ADCY8: variants seen among roughly 807,000 people sequenced by gnomAD.
ADCY8 encodes adenylate cyclase 8, also known as adenylate cyclase type 8.
A neutral mutation model predicts 119.7 loss-of-function variants in ADCY8; 51 were observed. That is an observed-to-expected ratio of 0.43 (90% CI 0.34 to 0.54). ADCY8 has a LOEUF of 0.54. Among genes scored for constraint, ADCY8 ranks in the 20% least tolerant of loss-of-function variants. The pLI is 0.03. For synonymous variants in ADCY8, 665 were observed against 651.0 expected (o/e 1.02, Z -0.33); for missense variants, 1,383 against 1,598.8 (o/e 0.87, Z 2.30).
intron 15 of ADCY8, among the ~76,000 whole-genome samples, chr8:130,793,719 T>A (rs560682973): frequency 3.3e-5 from 5 of 152,202 alleles, no homozygotes; most frequent in Non-Finnish European, 7.3e-5. Context: ...GCAGTGCATT[T>A]CCAGGGTGGA....
intron 2 of ADCY8, among the ~76,000 whole-genome samples, chr8:130,988,970 C>T (rs1445117525): frequency 1.1e-4 from 17 of 152,228 alleles, no homozygotes; most frequent in Non-Finnish European, 1.5e-5. Context: ...GCAGCATTCT[C>T]TGAATTGGCA....
At chr8:130,912,552 T>C (rs1820013821) in intron 5 of ADCY8, among the ~76,000 whole-genome samples, 2 of 152,202 alleles carry the variant, frequency 1.3e-5, no homozygotes, top group South Asian at 4.1e-4. Context: ...AAATAAAGAA[T>C]GAATGAATGA....
intron 11 of ADCY8, among the ~76,000 whole-genome samples, chr8:130,841,689 A>G (rs1196735257): frequency 6.6e-6 from 1 of 152,244 alleles, no homozygotes; most frequent in East Asian, 1.9e-4. Context: ...TAAGTCAGAC[A>G]AACTGGACTC....
At chr8:130,793,533 G>T (rs1815488221) in intron 15 of ADCY8, among the ~76,000 whole-genome samples, 1 of 152,162 alleles carries the variant, frequency 6.6e-6, no homozygotes, top group Non-Finnish European at 1.5e-5. Flanking sequence ...AGCTTCATGA[G>T]AACAGGATTT....
intron 2 of ADCY8, among the ~76,000 whole-genome samples, chr8:130,969,553 C>T (rs1440651797): frequency 6.6e-6 from 1 of 152,146 alleles, no homozygotes; most frequent in African/African-American, 2.4e-5. Flanking sequence ...ATCATTTTGT[C>T]ATGTGAAGAC....
intron 2 of ADCY8, among the ~76,000 whole-genome samples, chr8:130,980,039 C>T (rs1425773700): frequency 2.6e-5 from 4 of 152,020 alleles, no homozygotes; most frequent in Non-Finnish European, 5.9e-5. Flanking sequence ...TTTCTGGGGC[C>T]CTGATGGAGA....
intron 14 of ADCY8, among the ~76,000 whole-genome samples, chr8:130,810,672 T>A (rs1470944519): frequency 6.6e-6 from 1 of 152,232 alleles, no homozygotes; most frequent in Non-Finnish European, 1.5e-5. Context: ...ATGTGAAAAT[T>A]CTCTAGGCAA....
chr8:130,835,780 A>G (rs545255871), intron 12 of ADCY8, among the ~76,000 whole-genome samples: 1 of 152,298 alleles, frequency 6.6e-6, no homozygotes, highest in South Asian at 2.1e-4. Context: ...TGTAAATGCT[A>G]TGTAAATAGT....
chr8:131,017,363 C>T (rs945882259), intron 1 of ADCY8, among the ~76,000 whole-genome samples: 2 of 152,182 alleles, frequency 1.3e-5, no homozygotes, highest in Non-Finnish European at 2.9e-5. Context: ...AGCCACCACA[C>T]CGGGCTGGAA....
intron 14 of ADCY8, among the ~76,000 whole-genome samples, chr8:130,809,211 G>C (rs1224024424): frequency 6.6e-6 from 1 of 152,142 alleles, no homozygotes; most frequent in East Asian, 1.9e-4. Context: ...TGAGGTGGAG[G>C]GGAAAGAACA....
At chr8:130,900,636 T>G (rs1402946454) in intron 7 of ADCY8, among the ~76,000 whole-genome samples, 1 of 152,210 alleles carries the variant, frequency 6.6e-6, no homozygotes, top group African/African-American at 2.4e-5. Flanking sequence ...CATTCCCTAG[T>G]TCTCTTCTGA....
intron 5 of ADCY8, among the ~76,000 whole-genome samples, chr8:130,910,087 G>C (rs1463881493): frequency 2.6e-5 from 4 of 151,718 alleles, no homozygotes; most frequent in Non-Finnish European, 2.9e-5. Context: ...CTCCCGCCTC[G>C]GCCTTGCAAA....
At chr8:130,812,505 A>G (rs981963853) in intron 14 of ADCY8, among the ~76,000 whole-genome samples, 1 of 152,234 alleles carries the variant, frequency 6.6e-6, no homozygotes, top group Non-Finnish European at 1.5e-5. Context: ...TGTTAAAAGG[A>G]GAGTACACTT....
At chr8:131,008,267 G>A (rs1264263111) in intron 1 of ADCY8, among the ~76,000 whole-genome samples, 2 of 152,134 alleles carry the variant, frequency 1.3e-5, no homozygotes, top group Non-Finnish European at 2.9e-5. Flanking sequence ...TATATGGTTT[G>A]GCTTTGTGTC....
intron 11 of ADCY8, among the ~76,000 whole-genome samples, chr8:130,845,501 T>G (rs994885369): frequency 1.2e-4 from 19 of 152,268 alleles, no homozygotes; most frequent in Admixed American, 3.9e-4. Flanking sequence ...GGGGCTTGAT[T>G]GGAAACGAAA....
At chr8:130,966,588 G>C (rs369524401) in intron 2 of ADCY8, among the ~76,000 whole-genome samples, 20 of 152,166 alleles carry the variant, frequency 1.3e-4, no homozygotes, top group Admixed American at 3.3e-4. Context: ...ACCCTAAAAG[G>C]GGGGAAGCAA....
intron 1 of ADCY8, among the ~76,000 whole-genome samples, chr8:131,019,428 C>G (rs191882487): frequency 1.3e-5 from 2 of 152,098 alleles, no homozygotes; most frequent in Non-Finnish European, 2.9e-5. Context: ...TTGGCAGATT[C>G]TTTGGGTCAT....
chr8:130,915,955 A>G (rs1485382259), intron 5 of ADCY8, among the ~76,000 whole-genome samples: 1 of 152,160 alleles, frequency 6.6e-6, no homozygotes, highest in Non-Finnish European at 1.5e-5. Flanking sequence ...TTCCAGAACA[A>G]AGGAAAGGCA....
chr8:130,926,115 G>A (rs917289595), intron 5 of ADCY8, among the ~76,000 whole-genome samples: 1 of 152,092 alleles, frequency 6.6e-6, no homozygotes, highest in Non-Finnish European at 1.5e-5. Flanking sequence ...AATCACCAAG[G>A]TCAGCTTCAA....
Sources: allele counts gnomAD v4.1 joint callset (sites outside exome capture counted in the v4.1 genomes callset), GRCh38; gene constraint gnomAD v4.1.1; transcripts MANE v1.5; gene names NCBI Gene and HGNC (gene_info 2026-07-23, HGNC 2026-07-21).